RORA: variants seen among roughly 807,000 people sequenced by gnomAD.
The protein encoded by RORA is nuclear receptor ROR-alpha.
In RORA, 7 loss-of-function variants were observed where a neutral mutation model predicts 69.5. The observed-to-expected ratio is 0.10, with a 90% CI of 0.06 to 0.19. The LOEUF is 0.19. Ranked by LOEUF, RORA falls within the 10% of genes least tolerant of loss-of-function variation. The probability of loss-of-function intolerance (pLI) is 1.00; values close to 1 mark genes in which losing one functional copy is unlikely to be tolerated. For synonymous variants in RORA, 261 were observed against 240.8 expected (o/e 1.08, Z -0.78); for missense variants, 457 against 663.0 (o/e 0.69, Z 3.41).
chr15:60,751,632 T>G (rs1297329250), intron 1 of RORA, among the ~76,000 whole-genome samples: 5 of 152,194 alleles, frequency 3.3e-5, no homozygotes, highest in African/African-American at 4.8e-5. Flanking sequence ...AAATTCTGAC[T>G]GCAGACTCTG....
chr15:60,519,665 C>T (rs1019671746), intron 3 of RORA, among the ~76,000 whole-genome samples: 2 of 152,162 alleles, frequency 1.3e-5, no homozygotes, highest in Non-Finnish European at 2.9e-5. Flanking sequence ...CTTCCTACCG[C>T]CCAGACATTT....
chr15:60,579,064 GTTTT>G (rs869076097), intron 2 of RORA, among the ~76,000 whole-genome samples: 513 of 129,658 alleles, frequency 4.0e-3, no homozygotes, highest in Non-Finnish European at 6.1e-3. Flanking sequence ...ACCGCGCCCG[GTTTT>G]TTTTTTTTTT....
intron 10 of RORA, among the ~76,000 whole-genome samples, chr15:60,499,024 A>G (rs973603366): frequency 6.6e-6 from 1 of 152,252 alleles, no homozygotes; most frequent in African/African-American, 2.4e-5. Flanking sequence ...AGCACATTTA[A>G]AAAATTGACA....
chr15:60,993,712 G>A (rs1360626231), intron 1 of RORA, among the ~76,000 whole-genome samples: 1 of 148,302 alleles, frequency 6.7e-6, no homozygotes, highest in Non-Finnish European at 1.5e-5. Context: ...GTTATGATCA[G>A]TACCGCATTT....
At chr15:61,053,187 T>C (rs887881466) in intron 1 of RORA, among the ~76,000 whole-genome samples, 6 of 152,138 alleles carry the variant, frequency 3.9e-5, no homozygotes, top group Admixed American at 3.3e-4. Context: ...AAGTCAACAG[T>C]CTTGATTCCT....
chr15:61,069,061 CAAAGGGATATACGATAGCAA>C (rs2078303799), intron 1 of RORA, among the ~76,000 whole-genome samples: 1 of 152,144 alleles, frequency 6.6e-6, no homozygotes, highest in Non-Finnish European at 1.5e-5. Flanking sequence ...CTCACTGTTT[CAAAGGGATATACGATAGCAA>C]AAATGGCTAT....
intron 1 of RORA, among the ~76,000 whole-genome samples, chr15:61,085,499 G>A (rs1256436915): frequency 1.3e-5 from 2 of 152,208 alleles, no homozygotes; most frequent in Non-Finnish European, 2.9e-5. Flanking sequence ...CAGACTCGTG[G>A]GCCCGCCTGA....
chr15:60,515,908 ATTG>A (rs1318244690), intron 3 of RORA, among the ~76,000 whole-genome samples: 16 of 97,786 alleles, frequency 1.6e-4, no homozygotes, highest in Middle Eastern at 4.0e-3. Flanking sequence ...ATTTATATAT[ATTG>A]TATTTATATA....
chr15:61,136,897 C>A (rs919372267), intron 1 of RORA, among the ~76,000 whole-genome samples: 4 of 152,098 alleles, frequency 2.6e-5, no homozygotes, highest in African/African-American at 7.2e-5. Flanking sequence ...ATGGCCTCAG[C>A]TTTACATAAG....
chr15:60,936,549 C>T (rs1406328293), intron 1 of RORA, among the ~76,000 whole-genome samples: 4 of 152,206 alleles, frequency 2.6e-5, no homozygotes, highest in Non-Finnish European at 5.9e-5. Context: ...TCCTCTCCAT[C>T]ACCGTCACCA....
chr15:60,577,450 C>G (rs889938215), intron 2 of RORA, among the ~76,000 whole-genome samples: 1 of 152,084 alleles, frequency 6.6e-6, no homozygotes, highest in Non-Finnish European at 1.5e-5. Context: ...TCGAGACCAG[C>G]CTGGCCAACA....
At chr15:60,604,132 C>CAAAA (rs3053857) in intron 2 of RORA, among the ~76,000 whole-genome samples, 4 of 91,968 alleles carry the variant, frequency 4.3e-5, no homozygotes, top group African/African-American at 8.3e-5. Context: ...GACTCTGTCT[C>CAAAA]AAAAAAAAAA....
At chr15:60,796,286 C>T (rs1045569099) in intron 1 of RORA, among the ~76,000 whole-genome samples, 4 of 152,276 alleles carry the variant, frequency 2.6e-5, no homozygotes, top group South Asian at 2.1e-4. Context: ...CACGACTCTC[C>T]AGGCACTCAC....
chr15:60,918,551 T>A (rs1207973356), intron 1 of RORA, among the ~76,000 whole-genome samples: 1 of 152,242 alleles, frequency 6.6e-6, no homozygotes, highest in African/African-American at 2.4e-5. Flanking sequence ...TACCAACAAC[T>A]AGCTACCTTG....
intron 1 of RORA, among the ~76,000 whole-genome samples, chr15:61,054,884 T>A (rs2078072016): frequency 6.6e-6 from 1 of 151,516 alleles, no homozygotes; most frequent in African/African-American, 2.4e-5. Context: ...TTGCCCAGGC[T>A]GGAGTGCAGG....
intron 1 of RORA, among the ~76,000 whole-genome samples, chr15:60,952,159 C>T (rs907677607): frequency 7.9e-5 from 12 of 150,948 alleles, no homozygotes; most frequent in African/African-American, 2.7e-4. Flanking sequence ...TAAATGTAAT[C>T]CAGCATATAA....
chr15:61,072,239 A>G (rs1215380748), intron 1 of RORA, among the ~76,000 whole-genome samples: 1 of 151,988 alleles, frequency 6.6e-6, no homozygotes, highest in African/African-American at 2.4e-5. Context: ...TCTTTTTATG[A>G]GAAGACATCA....
chr15:61,066,734 T>A (rs1041129796), intron 1 of RORA, among the ~76,000 whole-genome samples: 7 of 151,908 alleles, frequency 4.6e-5, no homozygotes, highest in African/African-American at 1.7e-4. Context: ...CGCTGGCATG[T>A]TCCTTAAGAA....
intron 1 of RORA, among the ~76,000 whole-genome samples, chr15:61,186,971 G>T (rs907350080): frequency 3.3e-5 from 5 of 152,224 alleles, no homozygotes; most frequent in Admixed American, 2.6e-4. Context: ...CAGCTGAGAG[G>T]TGATTGTATC....
Sources: allele counts gnomAD v4.1 joint callset (sites outside exome capture counted in the v4.1 genomes callset), GRCh38; gene constraint gnomAD v4.1.1; transcripts MANE v1.5; gene names NCBI Gene and HGNC (gene_info 2026-07-23, HGNC 2026-07-21).